The following ZC3HAV1 variants were observed in gnomAD, a reference collection of about 807,000 sequenced individuals.
The protein encoded by ZC3HAV1 is zinc finger CCCH-type antiviral protein 1.
A neutral mutation model predicts 86.6 loss-of-function variants in ZC3HAV1; 41 were observed. The observed-to-expected ratio is 0.47, with a 90% CI of 0.37 to 0.61. ZC3HAV1 has a LOEUF of 0.61. Among genes scored for constraint, ZC3HAV1 ranks in the 20% least tolerant of loss-of-function variants. ZC3HAV1 has a pLI of 0.00. For missense variants in ZC3HAV1, 964 were observed against 1,141.1 expected, an observed-to-expected ratio of 0.84 and a Z score of 2.24; for synonymous variants, 421 against 432.1, an observed-to-expected ratio of 0.97 and a Z score of 0.32.
intron 1 of ZC3HAV1, among the ~76,000 whole-genome samples, chr7:139,093,812 G>A (rs1286432626): frequency 6.6e-6 from 1 of 152,154 alleles, no homozygotes; most frequent in African/African-American, 2.4e-5. Context: ...ACACGGACGC[G>A]AGTGAAAATT....
chr7:139,082,646 A>G (rs1817158640), intron 3 of ZC3HAV1, among the ~76,000 whole-genome samples: 1 of 152,224 alleles, frequency 6.6e-6, no homozygotes, highest in Non-Finnish European at 1.5e-5. Flanking sequence ...ATATACATAC[A>G]ATGAAATATT....
intron 7 of ZC3HAV1, among the ~76,000 whole-genome samples, chr7:139,069,535 T>C (rs920041913): frequency 3.3e-5 from 5 of 152,118 alleles, no homozygotes; most frequent in East Asian, 1.9e-4. Flanking sequence ...TGGTGCACAT[T>C]CAACGACTCC....
intron 9 of ZC3HAV1, among the ~76,000 whole-genome samples, chr7:139,056,358 C>T (rs1193485071): frequency 6.6e-6 from 1 of 150,926 alleles, no homozygotes; most frequent in Non-Finnish European, 1.5e-5. Context: ...TAGGTCAAAT[C>T]ACCTAGTCGT....
intron 9 of ZC3HAV1, chr7:139,060,487 T>C: frequency 1.0e-6 from 1 of 992,498 alleles, no homozygotes; most frequent in Non-Finnish European, 1.2e-6. Context: ...CTTTTTTCTA[T>C]CTCTTTCTCC....
In ZC3HAV1 at chr7:139,047,780, A is replaced by C. The variant is rs1563121299; in HGVS notation, c.2523T>G (p.Phe841Leu). ...CPYDAKNVVM[F>L]VAQVLVGKFT... ...ACTTTCCAACCAGAACTTGGGCTAC[A>C]AACATAACGACGTTTTTGGCATCAT... Residue 841 changes from phenylalanine to leucine, a missense_variant, in exon 13 of 13, where the codon TTT (phenylalanine) becomes TTG (leucine). Phe to Leu is a conservative substitution (Grantham distance 22). Transcript: ENST00000242351. 2 of 1,614,072 alleles carry C rather than the reference A, an allele frequency of 1.2e-6. No individual in the cohort carries two copies. The highest frequency in any genetic ancestry group is 1.7e-6 in the Non-Finnish European group (2 of 1,180,052).
At chr7:139,064,779 C>A in intron 8 of ZC3HAV1, 100 bp downstream of exon 8, 1 of 1,575,856 alleles carries the variant, frequency 6.3e-7, no homozygotes. Flanking sequence ...TTGACCTTGA[C>A]CCTGGCCATA....
chr7:139,070,672 A>C (rs1816747707), intron 7 of ZC3HAV1, among the ~76,000 whole-genome samples: 1 of 148,334 alleles, frequency 6.7e-6, no homozygotes, highest in East Asian at 2.0e-4. Context: ...TCAAAAAAAA[A>C]AAAAAAAAAA....
rs55651845 is a variant in ZC3HAV1, at chr7:139,056,419, T to TC, written c.2097-1125_2097-1124insG. Among the ~76,000 whole-genome samples the TC allele has an allele frequency of 3.4e-3, 92 of 26,858 alleles. 6 individuals carry two copies. Among genetic ancestry groups the TC allele is most frequent in the Admixed American group, 0.012 (37 of 3,028 alleles). The allele number at this position is 26,858 out of a possible 152,430, so 17.6% of individuals were successfully genotyped here. A position where few individuals can be genotyped will look rare whatever the true frequency, so the allele number is the denominator to read the frequency against. ...TTTTTCTTTTTCTTTTCTTTTCTTTTTTTTTTTTTTTGAGACAGTCTCACT... is the reference window on the plus strand; with the variant it reads ...TTTTTCTTTTTCTTTTCTTTTCTTTTCTTTTTTTTTTTGAGACAGTCTCACT... On this transcript the variant is annotated intron_variant, in intron 9 of 12. Coordinates refer to ENST00000242351, the MANE Select transcript of ZC3HAV1 (RefSeq NM_020119.4).
chr7:139,071,103 C>CTTTT (rs1463945923), intron 7 of ZC3HAV1, among the ~76,000 whole-genome samples: 1 of 135,338 alleles, frequency 7.4e-6, no homozygotes, highest in African/African-American at 2.8e-5. Context: ...TTTCTGAAAC[C>CTTTT]TTTTTTTTTT....
chr7:139,088,031 CAAAAAAAAAAAA>C (rs10544425), intron 2 of ZC3HAV1, among the ~76,000 whole-genome samples: 5 of 57,872 alleles, frequency 8.6e-5, no homozygotes, highest in African/African-American at 1.2e-4. Context: ...GATCCTGTCT[CAAAAAAAAAAAA>C]AAAAAAAAAA....
intron 5 of ZC3HAV1, among the ~76,000 whole-genome samples, chr7:139,078,158 G>A (rs1175668962): frequency 6.6e-6 from 1 of 152,206 alleles, no homozygotes; most frequent in Non-Finnish European, 1.5e-5. Flanking sequence ...AGAATCACTT[G>A]AACCCAGGGG....
At chr7:139,070,753 G>A (rs989507143) in intron 7 of ZC3HAV1, among the ~76,000 whole-genome samples, 1 of 151,452 alleles carries the variant, frequency 6.6e-6, no homozygotes, top group Non-Finnish European at 1.5e-5. Context: ...GGCAGAGGCA[G>A]GCAGATCACC....
chr7:139,075,232 T>TCGCC (rs1816904081), intron 6 of ZC3HAV1, among the ~76,000 whole-genome samples: 1 of 152,196 alleles, frequency 6.6e-6, no homozygotes, highest in Admixed American at 6.6e-5. Context: ...GTAGCTCATG[T>TCGCC]CGCCCTCTAG....
intron 2 of ZC3HAV1, among the ~76,000 whole-genome samples, chr7:139,089,069 T>C (rs1051444615): frequency 8.7e-6 from 1 of 115,292 alleles, no homozygotes; most frequent in African/African-American, 3.5e-5. Flanking sequence ...GCCACTGCAC[T>C]CCAGCCTGCG....
At chr7:139,057,500 T>G (rs898183701) in intron 9 of ZC3HAV1, among the ~76,000 whole-genome samples, 3 of 152,198 alleles carry the variant, frequency 2.0e-5, no homozygotes, top group Admixed American at 1.3e-4. Context: ...TTGTACTTTA[T>G]GTTTGAAATT....
rs1818042046 is a variant in ZC3HAV1, at chr7:139,109,391, A to ATCGGAAT, written c.-61_-60insATTCCGA. On this transcript the variant is annotated 5_prime_UTR_variant, in exon 1 of 13. Coordinates refer to ENST00000242351, the MANE Select transcript of ZC3HAV1 (RefSeq NM_020119.4). ...GGACTCGGTTCCGCGGAAATCGGAA[A>ATCGGAAT]TCGAAACTTACAAGTGTCCAGGGGC... is the stretch of plus-strand genomic sequence containing the variant. 3.4e-6 allele frequency: 5 copies of ATCGGAAT among 1,474,458 alleles called. No individual in the cohort carries two copies. The highest frequency in any genetic ancestry group is 3.6e-6 in the Non-Finnish European group (4 of 1,115,080). The allele number at this position is 1,474,458 out of a possible 1,614,324, so 91.3% of individuals were successfully genotyped here. A position where few individuals can be genotyped will look rare whatever the true frequency, so the allele number is the denominator to read the frequency against.
chr7:139,061,264 G>A (rs1816435102), intron 8 of ZC3HAV1, 126 bp from the exon 9 acceptor site: 1 of 855,752 alleles, frequency 1.2e-6, no homozygotes, highest in Admixed American at 2.9e-5. Flanking sequence ...TATACGAATA[G>A]AGAAAATCCT....
At chr7:139,072,150 T>C (rs940739631) in intron 7 of ZC3HAV1, among the ~76,000 whole-genome samples, 1 of 152,070 alleles carries the variant, frequency 6.6e-6, no homozygotes, top group Non-Finnish European at 1.5e-5. Flanking sequence ...TACACCAACC[T>C]AAATATGTAG....
rs1815904900 is a variant in ZC3HAV1, at chr7:139,044,547, A to G, written c.*3047T>C. 1 of 152,236 alleles carries G rather than the reference A, an allele frequency of 6.6e-6. No individual in the cohort carries two copies. Among genetic ancestry groups the G allele is most frequent in the African/African-American group, 2.4e-5 (1 of 41,418 alleles). 9.4% of individuals were successfully genotyped at this position (152,236 alleles called of 1,614,324 possible). ...GATTGTATTATCTATGAGTCATTTCAGGTCAGCAAAGAGAATGTTACAAAA... is the reference window on the plus strand; with the variant it reads ...GATTGTATTATCTATGAGTCATTTCGGGTCAGCAAAGAGAATGTTACAAAA... On this transcript the variant is annotated 3_prime_UTR_variant, in exon 13 of 13. Transcript: ENST00000242351.
Sources: gnomAD v4.1 joint callset for allele counts (sites outside exome capture counted in the v4.1 genomes callset) on GRCh38, gnomAD v4.1.1 for gene constraint, MANE v1.5 for transcripts, NCBI Gene and HGNC (gene_info 2026-07-23, HGNC 2026-07-21) for gene names.